TUNAR: variants seen among roughly 807,000 people sequenced by gnomAD.
TUNAR encodes the protein transmembrane neural differentiation associated intracellular calcium regulator, also known as protein TUNAR.
intron 2 of TUNAR, among the ~76,000 whole-genome samples, chr14:95,900,613 A>G (rs1889337356): frequency 6.6e-6 from 1 of 152,140 alleles, no homozygotes. Context: ...TGTGCTGGGG[A>G]GTAAATGAGC....
chr14:95,878,526 C>T (rs1225131634), intron 2 of TUNAR, among the ~76,000 whole-genome samples: 5 of 151,250 alleles, frequency 3.3e-5, no homozygotes, highest in African/African-American at 9.8e-5. Flanking sequence ...CTGACCAGCC[C>T]TTCAGACCCC....
chr14:95,921,905 A>C (rs1889703846), intron 2 of TUNAR, among the ~76,000 whole-genome samples: 1 of 151,988 alleles, frequency 6.6e-6, no homozygotes, highest in Non-Finnish European at 1.5e-5. Context: ...TGTTGCCTGT[A>C]GTTCTAATTC....
chr14:95,880,838 G>C (rs1430277916), intron 2 of TUNAR, among the ~76,000 whole-genome samples: 1 of 152,164 alleles, frequency 6.6e-6, no homozygotes, highest in Non-Finnish European at 1.5e-5. Flanking sequence ...TTCAGATAGA[G>C]AGGGCATGAG....
chr14:95,903,522 A>G (rs911767667), intron 2 of TUNAR, among the ~76,000 whole-genome samples: 1 of 152,264 alleles, frequency 6.6e-6, no homozygotes, highest in African/African-American at 2.4e-5. Flanking sequence ...GTTCTTGCTC[A>G]GTTACCTGTG....
chr14:95,914,782 A>G (rs993717226), intron 2 of TUNAR, among the ~76,000 whole-genome samples: 1 of 152,190 alleles, frequency 6.6e-6, no homozygotes, highest in Non-Finnish European at 1.5e-5. Flanking sequence ...CCTACTTTAT[A>G]GGTGAGGAAA....
chr14:95,888,504 G>A (rs992739576), intron 2 of TUNAR, among the ~76,000 whole-genome samples: 1 of 152,176 alleles, frequency 6.6e-6, no homozygotes, highest in South Asian at 2.1e-4. Flanking sequence ...GAATCATCTG[G>A]GAGGCTTCCT....
intron 2 of TUNAR, among the ~76,000 whole-genome samples, chr14:95,889,938 G>T (rs187542490): frequency 1.3e-3 from 174 of 132,238 alleles, no homozygotes; most frequent in African/African-American, 4.8e-3. Flanking sequence ...CTTCCTCATG[G>T]AATTTAGAGG....
At chr14:95,925,200 C>G (rs1421796580) in exon 3 of TUNAR, 1 of 152,214 alleles carries the variant, frequency 6.6e-6, no homozygotes, top group African/African-American at 2.4e-5. Flanking sequence ...AAAAAGGGCT[C>G]AGAGAGGTCA....
intron 2 of TUNAR, among the ~76,000 whole-genome samples, chr14:95,916,417 T>C (rs1889606808): frequency 6.6e-6 from 1 of 152,226 alleles, no homozygotes; most frequent in Non-Finnish European, 1.5e-5. Context: ...CACTCGATAT[T>C]GTATTTGCAA....
intron 2 of TUNAR, among the ~76,000 whole-genome samples, chr14:95,916,739 A>G (rs1889612689): frequency 1.3e-5 from 2 of 152,214 alleles, no homozygotes; most frequent in South Asian, 4.1e-4. Flanking sequence ...TACTCCTGCC[A>G]TAGGTATCTG....
chr14:95,909,387 G>T (rs560108676), intron 2 of TUNAR, among the ~76,000 whole-genome samples: 2 of 150,218 alleles, frequency 1.3e-5, no homozygotes, highest in Non-Finnish European at 2.9e-5. Flanking sequence ...GGGTTCAAGC[G>T]ATTTTCCTGC....
exon 3 of TUNAR, chr14:95,923,040 A>G (rs532055982): frequency 5.5e-5 from 22 of 398,786 alleles, no homozygotes; most frequent in South Asian, 1.3e-4. Flanking sequence ...ATCACTGACC[A>G]GACCCTGCGA....
At chr14:95,921,392 A>T (rs1386730266) in intron 2 of TUNAR, among the ~76,000 whole-genome samples, 1 of 152,202 alleles carries the variant, frequency 6.6e-6, no homozygotes, top group East Asian at 1.9e-4. Context: ...TCACATCACA[A>T]GTGGACGGGC....
chr14:95,915,722 G>A (rs1183497442), intron 2 of TUNAR, among the ~76,000 whole-genome samples: 38 of 152,376 alleles, frequency 2.5e-4, no homozygotes, highest in Non-Finnish European at 7.3e-5. Flanking sequence ...ACACGGCGCT[G>A]TGTCACTGTA....
At chr14:95,916,228 C>T (rs1889603018) in intron 2 of TUNAR, among the ~76,000 whole-genome samples, 1 of 151,214 alleles carries the variant, frequency 6.6e-6, no homozygotes, top group Non-Finnish European at 1.5e-5. Flanking sequence ...GCATCCTCTC[C>T]ATCCTGTCCA....
intron 2 of TUNAR, among the ~76,000 whole-genome samples, chr14:95,882,473 CTTG>C (rs71463994): frequency 0.055 from 8,305 of 152,218 alleles, 345 homozygotes; most frequent in East Asian, 0.13. Flanking sequence ...AGCTGTGTTT[CTTG>C]TTGTTTTTGT....
intron 2 of TUNAR, among the ~76,000 whole-genome samples, chr14:95,917,717 T>C (rs2139672097): frequency 6.6e-6 from 1 of 152,338 alleles, no homozygotes; most frequent in Non-Finnish European, 1.5e-5. Context: ...ATTTCACACA[T>C]CTTTATTAGA....
intron 2 of TUNAR, among the ~76,000 whole-genome samples, chr14:95,902,388 G>A (rs1889368925): frequency 1.3e-5 from 2 of 152,200 alleles, no homozygotes; most frequent in South Asian, 4.1e-4. Flanking sequence ...TATCTCAGAA[G>A]ATGGTAAAAC....
intron 2 of TUNAR, among the ~76,000 whole-genome samples, chr14:95,891,342 G>A (rs1384692049): frequency 6.6e-6 from 1 of 152,118 alleles, no homozygotes; most frequent in Non-Finnish European, 1.5e-5. Flanking sequence ...CAACTTTGAC[G>A]GTTGATTCCT....
Sources: gnomAD v4.1 joint callset for allele counts (sites outside exome capture counted in the v4.1 genomes callset) on GRCh38, gnomAD v4.1.1 for gene constraint, MANE v1.5 for transcripts, NCBI Gene and HGNC (gene_info 2026-07-23, HGNC 2026-07-21) for gene names.